Variants in DLGAP2 observed in about 807,000 individuals in gnomAD.
DLGAP2 encodes the protein DLG associated protein 2, also known as disks large-associated protein 2.
A neutral mutation model predicts 100.3 loss-of-function variants in DLGAP2; 26 were observed. That is an observed-to-expected ratio of 0.26 (90% confidence interval 0.19 to 0.36). The LOEUF (loss-of-function observed/expected upper bound fraction) is 0.36, where lower values mean the gene tolerates loss of function less well. Ranked by LOEUF, DLGAP2 falls within the 10% of genes least tolerant of loss-of-function variation. The pLI is 1.00. For missense variants in DLGAP2, 1,858 were observed against 1,453.2 expected (o/e 1.28, Z -4.53); for synonymous variants, 886 against 630.1 (o/e 1.41, Z -6.08).
chr8:885,057 A>C (rs753431872), intron 1 of DLGAP2, among the ~76,000 whole-genome samples: 1 of 152,184 alleles, frequency 6.6e-6, no homozygotes, highest in Non-Finnish European at 1.5e-5. Flanking sequence ...GTTTGATGTC[A>C]GGTAGCATGA....
intron 6 of DLGAP2, among the ~76,000 whole-genome samples, chr8:1,618,800 C>T (rs370170460): frequency 3.0e-4 from 45 of 152,258 alleles, no homozygotes; most frequent in African/African-American, 1.0e-3. Flanking sequence ...TGGGGCCAGA[C>T]GATTCTCTCT....
intron 2 of DLGAP2, among the ~76,000 whole-genome samples, chr8:1,052,709 T>A (rs1480691029): frequency 6.6e-6 from 1 of 152,130 alleles, no homozygotes; most frequent in East Asian, 1.9e-4. Context: ...GTCATCAGAA[T>A]AACTCATCTG....
intron 2 of DLGAP2, among the ~76,000 whole-genome samples, chr8:1,111,087 C>G (rs1240074583): frequency 6.6e-6 from 1 of 152,230 alleles, no homozygotes; most frequent in African/African-American, 2.4e-5. Context: ...TCCGGGGCTG[C>G]TTTCTGCCCG....
chr8:1,314,848 G>A (rs536401290), intron 3 of DLGAP2, among the ~76,000 whole-genome samples: 1 of 152,328 alleles, frequency 6.6e-6, no homozygotes, highest in South Asian at 2.1e-4. Flanking sequence ...CAACCTAAGT[G>A]TTCTCTGAAT....
chr8:1,156,661 CCCCAGCTTAGCGT>C (rs1392927931), intron 2 of DLGAP2, among the ~76,000 whole-genome samples: 6 of 151,968 alleles, frequency 3.9e-5, no homozygotes, highest in Non-Finnish European at 5.9e-5. Flanking sequence ...CAGCCCAGCG[CCCCAGCTTAGCGT>C]CCCAGCCCAG....
intron 10 of DLGAP2, among the ~76,000 whole-genome samples, chr8:1,674,668 C>A (rs1172031136): frequency 6.6e-6 from 1 of 152,192 alleles, no homozygotes; most frequent in Admixed American, 6.5e-5. Flanking sequence ...AGTGCAAATA[C>A]CTCTGACCCA....
chr8:862,309 T>G (rs1364970121), intron 1 of DLGAP2, among the ~76,000 whole-genome samples: 1 of 151,218 alleles, frequency 6.6e-6, no homozygotes, highest in East Asian at 1.9e-4. Flanking sequence ...GTTTTTTTTT[T>G]TTTTTTTTCT....
intron 1 of DLGAP2, among the ~76,000 whole-genome samples, chr8:860,874 G>C (rs1401288079): frequency 1.3e-5 from 2 of 152,158 alleles, no homozygotes; most frequent in African/African-American, 4.8e-5. Context: ...CGCCTATGAA[G>C]AAATGGTAAA....
intron 1 of DLGAP2, among the ~76,000 whole-genome samples, chr8:843,501 C>G (rs1797019287): frequency 6.6e-6 from 1 of 152,210 alleles, no homozygotes; most frequent in Non-Finnish European, 1.5e-5. Flanking sequence ...GGAGTGGGCA[C>G]CACGGCCTCT....
chr8:903,156 C>A (rs997708480), intron 1 of DLGAP2, among the ~76,000 whole-genome samples: 1 of 151,964 alleles, frequency 6.6e-6, no homozygotes, highest in African/African-American at 2.4e-5. Context: ...TCTTTAATCT[C>A]GTTAATGTCA....
chr8:1,556,687 G>A (rs1275292675), intron 5 of DLGAP2, among the ~76,000 whole-genome samples: 1 of 152,206 alleles, frequency 6.6e-6, no homozygotes, highest in Non-Finnish European at 1.5e-5. Context: ...GTGTTAAGGA[G>A]TGGAATGGAA....
At chr8:1,011,150 T>A (rs185428642) in intron 2 of DLGAP2, among the ~76,000 whole-genome samples, 1 of 142,856 alleles carries the variant, frequency 7.0e-6, no homozygotes, top group Non-Finnish European at 1.5e-5. Context: ...CACAGTGAGC[T>A]CTGGAATGAG....
At chr8:1,478,731 C>A (rs143445271) in intron 3 of DLGAP2, among the ~76,000 whole-genome samples, 37 of 152,264 alleles carry the variant, frequency 2.4e-4, no homozygotes, top group African/African-American at 8.9e-4. Context: ...TGGATGGCAG[C>A]CACCCCCACC....
intron 1 of DLGAP2, among the ~76,000 whole-genome samples, chr8:825,590 T>C (rs1415984360): frequency 6.6e-6 from 1 of 152,230 alleles, no homozygotes; most frequent in Non-Finnish European, 1.5e-5. Context: ...TTCCAGATGT[T>C]GCTAATTTGG....
chr8:1,408,462 T>C (rs957006052), intron 3 of DLGAP2, among the ~76,000 whole-genome samples: 4 of 152,206 alleles, frequency 2.6e-5, no homozygotes, highest in Non-Finnish European at 4.4e-5. Context: ...GGGCACCGTG[T>C]CAAGTCCTGA....
At chr8:834,284 G>T (rs1377871971) in intron 1 of DLGAP2, among the ~76,000 whole-genome samples, 1 of 152,230 alleles carries the variant, frequency 6.6e-6, no homozygotes, top group Non-Finnish European at 1.5e-5. Flanking sequence ...AGCCAGTCCT[G>T]TATGCCAGCG....
At chr8:1,032,245 C>T (rs1470742916) in intron 2 of DLGAP2, among the ~76,000 whole-genome samples, 1 of 152,228 alleles carries the variant, frequency 6.6e-6, no homozygotes, top group Admixed American at 6.5e-5. Flanking sequence ...TCCCCCACCG[C>T]CACCACCCGT....
At chr8:1,362,001 G>C (rs1199851665) in intron 3 of DLGAP2, among the ~76,000 whole-genome samples, 1 of 152,220 alleles carries the variant, frequency 6.6e-6, no homozygotes, top group Non-Finnish European at 1.5e-5. Context: ...TGCAGAGGTG[G>C]AATGGCCCCT....
chr8:1,048,341 T>C (rs753610797), intron 2 of DLGAP2, among the ~76,000 whole-genome samples: 1 of 152,098 alleles, frequency 6.6e-6, no homozygotes, highest in Non-Finnish European at 1.5e-5. Context: ...AATGTGAATC[T>C]AGTTCCATCT....
Sources: allele counts gnomAD v4.1 joint callset (sites outside exome capture counted in the v4.1 genomes callset), GRCh38; gene constraint gnomAD v4.1.1; transcripts MANE v1.5; gene names NCBI Gene and HGNC (gene_info 2026-07-23, HGNC 2026-07-21).